Variants in VPS13B observed in about 807,000 individuals in gnomAD.
VPS13B encodes the protein intermembrane lipid transfer protein VPS13B.
A neutral mutation model predicts 426.4 loss-of-function variants in VPS13B; 285 were observed. That is an observed-to-expected ratio of 0.67 (90% CI 0.61 to 0.74). The LOEUF (loss-of-function observed/expected upper bound fraction) is 0.74, where lower values mean the gene tolerates loss of function less well. Ranked by LOEUF, VPS13B falls within the 30% of genes least tolerant of loss-of-function variation. The pLI is 0.00. For synonymous variants in VPS13B, 1,676 were observed against 1,676.4 expected, an observed-to-expected ratio of 1.00 and a Z score of 0.01; for missense variants, 4,537 against 4,782.6, an observed-to-expected ratio of 0.95 and a Z score of 1.51.
intron 21 of VPS13B, among the ~76,000 whole-genome samples, chr8:99,395,467 G>A (rs1814681776): frequency 6.6e-6 from 1 of 152,126 alleles, no homozygotes; most frequent in Admixed American, 6.5e-5. Context: ...TGGTTATTTA[G>A]GACATTCAGT....
intron 19 of VPS13B, among the ~76,000 whole-genome samples, chr8:99,313,324 G>C (rs867337827): frequency 6.6e-6 from 1 of 152,242 alleles, no homozygotes; most frequent in Middle Eastern, 3.4e-3. Flanking sequence ...CTTTGATGAT[G>C]GTGATGTACA....
chr8:99,571,574 T>C (rs1057454921), intron 31 of VPS13B, among the ~76,000 whole-genome samples: 1 of 152,176 alleles, frequency 6.6e-6, no homozygotes, highest in Non-Finnish European at 1.5e-5. Context: ...TATGGACAAG[T>C]ACCCTTTTTT....
intron 36 of VPS13B, among the ~76,000 whole-genome samples, chr8:99,702,816 T>G (rs1832338900): frequency 6.6e-6 from 1 of 152,164 alleles, no homozygotes; most frequent in Admixed American, 6.5e-5. Flanking sequence ...GACAATGTTA[T>G]ATAAACAGGG....
intron 58 of VPS13B, among the ~76,000 whole-genome samples, chr8:99,864,284 C>T (rs1160318568): frequency 6.6e-6 from 1 of 152,246 alleles, no homozygotes; most frequent in African/African-American, 2.4e-5. Flanking sequence ...GTACATGGCT[C>T]ACACTTGTAA....
At chr8:99,086,568 T>C (rs1299512316) in intron 3 of VPS13B, among the ~76,000 whole-genome samples, 1 of 152,204 alleles carries the variant, frequency 6.6e-6, no homozygotes, top group Non-Finnish European at 1.5e-5. Flanking sequence ...TTCTGTTGTG[T>C]TTTATCCCCA....
intron 19 of VPS13B, among the ~76,000 whole-genome samples, chr8:99,288,699 A>C (rs980014338): frequency 2.0e-5 from 3 of 151,994 alleles, no homozygotes; most frequent in African/African-American, 7.2e-5. Flanking sequence ...TTTTCTGATA[A>C]TTGTTTTCTA....
In VPS13B at chr8:99,832,364, T is replaced by G; in HGVS notation, c.9331-5T>G. On this transcript the variant is annotated splice_region_variant and splice_polypyrimidine_tract_variant and intron_variant, in intron 51 of 61. Coordinates refer to ENST00000357162, the MANE Select transcript of VPS13B (RefSeq NM_152564.5). The stretch of plus-strand genomic sequence containing the variant: ...GCATTTTTTTTTTTTTTTTTTTTTT[T>G]TTAGTATTTTCGTGTTCCAGACAGT... 1 of 1,498,202 alleles carries G rather than the reference T, an allele frequency of 6.7e-7. No individual in the cohort carries two copies. The highest frequency in any genetic ancestry group is 1.3e-5 in the South Asian group (1 of 78,512). The allele number at this position is 1,498,202 out of a possible 1,614,324, so 92.8% of individuals were successfully genotyped here. A position where few individuals can be genotyped will look rare whatever the true frequency, so the allele number is the denominator to read the frequency against.
At position 99,148,363 on chromosome 8, in the gene VPS13B, CA is replaced by C. The variant is rs34767546; in HGVS notation, c.2013+367del. On this transcript the variant is annotated intron_variant, in intron 14 of 61. Transcript: ENST00000357162. Reference sequence around the variant, plus strand: ...TGGGTGTCACAGTGTGACCCTGTCTCAAAAAAAAAAAAAAGAAAAAGATAAA... The same window carrying C: ...TGGGTGTCACAGTGTGACCCTGTCTCAAAAAAAAAAAAAGAAAAAGATAAA... Among the ~76,000 whole-genome samples the C allele has an allele frequency of 5.4e-3, 535 of 98,948 alleles. 2 individuals carry two copies. The highest frequency in any genetic ancestry group is 0.013 in the African/African-American group (340 of 26,672). The allele number at this position is 98,948 out of a possible 152,430, so 64.9% of individuals were successfully genotyped here. A position where few individuals can be genotyped will look rare whatever the true frequency, so the allele number is the denominator to read the frequency against.
chr8:99,780,393 G>A (rs977209112), intron 42 of VPS13B, among the ~76,000 whole-genome samples: 1 of 152,088 alleles, frequency 6.6e-6, no homozygotes, highest in African/African-American at 2.4e-5. Flanking sequence ...CTGCAAAATG[G>A]CCTTCAGAAA....
intron 39 of VPS13B, among the ~76,000 whole-genome samples, chr8:99,763,135 CAAAAA>C (rs750289763): frequency 4.2e-3 from 150 of 35,810 alleles, no homozygotes; most frequent in African/African-American, 0.019. Context: ...GACCTTGTCT[CAAAAA>C]AAAAAAAAAA....
At chr8:99,823,157 G>T (rs1243275660) in intron 50 of VPS13B, among the ~76,000 whole-genome samples, 1 of 152,144 alleles carries the variant, frequency 6.6e-6, no homozygotes, top group East Asian at 1.9e-4. Flanking sequence ...GACTGCATGG[G>T]TTCCAACCCC....
chr8:99,460,561 C>G (rs989379354), intron 23 of VPS13B, among the ~76,000 whole-genome samples: 1 of 152,168 alleles, frequency 6.6e-6, no homozygotes. Context: ...CTCTTCATTT[C>G]TTTCTGTACA....
chr8:99,015,728 C>A (rs1453445661), intron 2 of VPS13B, among the ~76,000 whole-genome samples: 1 of 151,682 alleles, frequency 6.6e-6, no homozygotes, highest in African/African-American at 2.4e-5. Flanking sequence ...ATGGTGAAAC[C>A]CTGTCTCTAC....
intron 51 of VPS13B, among the ~76,000 whole-genome samples, chr8:99,828,401 T>TTTTTTTTG (rs1814840459): frequency 2.9e-5 from 1 of 34,482 alleles, no homozygotes; most frequent in Non-Finnish European, 5.7e-5. Flanking sequence ...ACCGTTTTTT[T>TTTTTTTTG]TTTTTTTTTT....
intron 4 of VPS13B, among the ~76,000 whole-genome samples, chr8:99,098,668 T>C (rs994808680): frequency 2.0e-5 from 3 of 152,164 alleles, no homozygotes; most frequent in Non-Finnish European, 2.9e-5. Flanking sequence ...GTGAGCACTT[T>C]TAAGGTTTTT....
At chr8:99,019,082 T>C (rs1335029632) in intron 2 of VPS13B, among the ~76,000 whole-genome samples, 1 of 152,198 alleles carries the variant, frequency 6.6e-6, no homozygotes, top group Non-Finnish European at 1.5e-5. Context: ...ATTGGCCTTA[T>C]TGATTTATTT....
At chr8:99,611,708 T>C (rs545597684) in intron 33 of VPS13B, among the ~76,000 whole-genome samples, 6 of 152,118 alleles carry the variant, frequency 3.9e-5, no homozygotes, top group Admixed American at 1.3e-4. Flanking sequence ...GTAGATGTTT[T>C]GCTTTTTGCT....
At chr8:99,089,995 G>C (rs1002254742) in intron 3 of VPS13B, among the ~76,000 whole-genome samples, 1 of 152,078 alleles carries the variant, frequency 6.6e-6, no homozygotes, top group Non-Finnish European at 1.5e-5. Context: ...GTTAATACTG[G>C]TCAGTTGTGC....
intron 33 of VPS13B, among the ~76,000 whole-genome samples, chr8:99,591,024 G>T (rs192515100): frequency 1.3e-5 from 2 of 151,998 alleles, no homozygotes; most frequent in Admixed American, 1.3e-4. Flanking sequence ...GTGCTCATGT[G>T]TTGGGTGTAT....
Sources: gnomAD v4.1 joint callset for allele counts (sites outside exome capture counted in the v4.1 genomes callset) on GRCh38, gnomAD v4.1.1 for gene constraint, MANE v1.5 for transcripts, NCBI Gene and HGNC (gene_info 2026-07-23, HGNC 2026-07-21) for gene names.